Variants in PLD5 observed in about 807,000 individuals in gnomAD.
The protein encoded by PLD5 is inactive phospholipase D5.
Under a neutral mutation model 61.1 loss-of-function variants are expected in PLD5, and 36 were observed. That is an observed-to-expected ratio of 0.59 (90% confidence interval 0.45 to 0.78). PLD5 has a LOEUF of 0.78. Among genes scored for constraint, PLD5 ranks in the 30% least tolerant of loss-of-function variants. PLD5 has a pLI of 0.00. For missense variants in PLD5, 515 were observed against 644.4 expected, an observed-to-expected ratio of 0.80 and a Z score of 2.17; for synonymous variants, 243 against 242.8, an observed-to-expected ratio of 1.00 and a Z score of -0.01.
chr1:242,494,878 C>CTTTTTTTTTTTTTTTTTTTTCTTT lies in PLD5; in HGVS notation c.189+29209_189+29210insAAAGAAAAAAAAAAAAAAAAAAAA, dbSNP rs556893161. 2.2e-5 allele frequency among the ~76,000 whole-genome samples: 3 copies of CTTTTTTTTTTTTTTTTTTTTCTTT among 135,890 alleles called. 1 individual carries two copies. The allele number at this position is 135,890 out of a possible 152,430, so 89.1% of individuals were successfully genotyped here. Reference sequence around the variant, plus strand: ...ACAACCCCCAATTTTTTTTTCTTTTCTGTTTTTTTTTTTTTGCTGTTTTGT... The same window carrying CTTTTTTTTTTTTTTTTTTTTCTTT: ...ACAACCCCCAATTTTTTTTTCTTTTCTTTTTTTTTTTTTTTTTTTTCTTTTGTTTTTTTTTTTTTGCTGTTTTGT... On this transcript the variant is annotated intron_variant, in intron 1 of 9. Coordinates refer to ENST00000536534, the MANE Select transcript of PLD5 (RefSeq NM_001372062.1).
intron 1 of PLD5, among the ~76,000 whole-genome samples, chr1:242,473,103 A>G (rs1430647464): frequency 1.3e-5 from 2 of 152,258 alleles, no homozygotes; most frequent in Non-Finnish European, 2.9e-5. Flanking sequence ...GTTAACATTC[A>G]GCAGTACAAT....
chr1:242,278,876 T>G (rs1270109123), intron 3 of PLD5, among the ~76,000 whole-genome samples: 1 of 152,232 alleles, frequency 6.6e-6, no homozygotes, highest in Non-Finnish European at 1.5e-5. Context: ...GAGTGTTGAT[T>G]CTGTGGAGCA....
At chr1:242,137,620 G>A (rs1663841998) in intron 5 of PLD5, among the ~76,000 whole-genome samples, 1 of 152,134 alleles carries the variant, frequency 6.6e-6, no homozygotes, top group Admixed American at 6.6e-5. Context: ...GCCCAGTGTG[G>A]TTCGAACTTG....
intron 5 of PLD5, among the ~76,000 whole-genome samples, chr1:242,167,280 A>AGTTTAAT (rs1296502959): frequency 6.6e-6 from 1 of 152,142 alleles, no homozygotes; most frequent in Non-Finnish European, 1.5e-5. Context: ...AAGAAAAAGA[A>AGTTTAAT]GTTTAATGGA....
At chr1:242,129,991 A>G (rs1228228487) in intron 5 of PLD5, among the ~76,000 whole-genome samples, 2 of 152,112 alleles carry the variant, frequency 1.3e-5, no homozygotes, top group Admixed American at 6.6e-5. Flanking sequence ...TTTTGTGGCT[A>G]AATAGTATTC....
intron 2 of PLD5, among the ~76,000 whole-genome samples, chr1:242,342,356 G>A (rs1659883470): frequency 6.6e-6 from 1 of 152,200 alleles, no homozygotes; most frequent in Non-Finnish European, 1.5e-5. Context: ...AAGGGTGGGT[G>A]TTCATGTGAG....
At chr1:242,166,755 C>G (rs980112720) in intron 5 of PLD5, among the ~76,000 whole-genome samples, 1 of 152,168 alleles carries the variant, frequency 6.6e-6, no homozygotes, top group Non-Finnish European at 1.5e-5. Flanking sequence ...CTACATTTTA[C>G]TTGAAGTTAC....
intron 1 of PLD5, among the ~76,000 whole-genome samples, chr1:242,423,173 T>C (rs1440053921): frequency 6.6e-6 from 1 of 152,094 alleles, no homozygotes; most frequent in Non-Finnish European, 1.5e-5. Flanking sequence ...TCAAAACAAG[T>C]AGTAACCAAA....
chr1:242,348,704 T>A (rs1467230171), intron 1 of PLD5, among the ~76,000 whole-genome samples: 1 of 152,188 alleles, frequency 6.6e-6, no homozygotes, highest in African/African-American at 2.4e-5. Flanking sequence ...CCTGAGACCA[T>A]GTGCCCAAGG....
intron 3 of PLD5, among the ~76,000 whole-genome samples, chr1:242,283,640 ATATTT>A (rs1426071699): frequency 2.0e-5 from 3 of 152,390 alleles, no homozygotes; most frequent in Non-Finnish European, 4.4e-5. Flanking sequence ...TGGCACCAGA[ATATTT>A]TAAAGAAAAT....
intron 5 of PLD5, among the ~76,000 whole-genome samples, chr1:242,198,386 C>T (rs1668774870): frequency 6.6e-6 from 1 of 152,074 alleles, no homozygotes. Context: ...TCTTGCAGAA[C>T]CAGAGACAAC....
intron 5 of PLD5, among the ~76,000 whole-genome samples, chr1:242,163,416 T>G (rs1377203395): frequency 1.3e-5 from 2 of 152,140 alleles, no homozygotes; most frequent in South Asian, 2.1e-4. Flanking sequence ...GTGCTGGGAT[T>G]ACAGGCGTGA....
At chr1:242,155,627 C>T (rs547184980) in intron 5 of PLD5, among the ~76,000 whole-genome samples, 53 of 152,128 alleles carry the variant, frequency 3.5e-4, no homozygotes, top group African/African-American at 1.3e-3. Flanking sequence ...CACTCAGGAG[C>T]AGGTTATTCA....
At chr1:242,157,639 G>C (rs1039914504) in intron 5 of PLD5, among the ~76,000 whole-genome samples, 2 of 152,168 alleles carry the variant, frequency 1.3e-5, no homozygotes, top group Non-Finnish European at 2.9e-5. Flanking sequence ...TCCAGACCCT[G>C]TTTGCCTGGG....
chr1:242,152,409 G>A (rs183923262), intron 5 of PLD5, among the ~76,000 whole-genome samples: 2 of 152,176 alleles, frequency 1.3e-5, no homozygotes, highest in East Asian at 1.9e-4. Flanking sequence ...AGAATGTGCA[G>A]TATTGTTACA....
chr1:242,369,967 A>G (rs1167505197), intron 1 of PLD5, among the ~76,000 whole-genome samples: 1 of 152,196 alleles, frequency 6.6e-6, no homozygotes, highest in Non-Finnish European at 1.5e-5. Context: ...CCCAGAGATC[A>G]TCTACTTCAA....
At chr1:242,237,389 A>T (rs775814858) in intron 4 of PLD5, among the ~76,000 whole-genome samples, 1 of 152,064 alleles carries the variant, frequency 6.6e-6, no homozygotes, top group Non-Finnish European at 1.5e-5. Flanking sequence ...AACGTCTTGC[A>T]TCTCAGCTCC....
At chr1:242,388,945 C>A (rs1399323554) in intron 1 of PLD5, among the ~76,000 whole-genome samples, 3 of 151,646 alleles carry the variant, frequency 2.0e-5, no homozygotes, top group Non-Finnish European at 4.4e-5. Flanking sequence ...CAGAATGAGA[C>A]TCTGTCTCAA....
intron 2 of PLD5, among the ~76,000 whole-genome samples, chr1:242,310,641 A>G (rs1676645194): frequency 6.6e-6 from 1 of 152,262 alleles, no homozygotes; most frequent in Non-Finnish European, 1.5e-5. Flanking sequence ...AACAAAAATC[A>G]CAATTACTTT....
Sources: gnomAD v4.1 joint callset for allele counts (sites outside exome capture counted in the v4.1 genomes callset) on GRCh38, gnomAD v4.1.1 for gene constraint, MANE v1.5 for transcripts, NCBI Gene and HGNC (gene_info 2026-07-23, HGNC 2026-07-21) for gene names.